The following PCSK5 variants were observed in gnomAD, a reference collection of about 807,000 sequenced individuals.
PCSK5 encodes proprotein convertase subtilisin/kexin type 5, also known as prohormone convertase 5.
A neutral mutation model predicts 233.2 loss-of-function variants in PCSK5; 129 were observed. That is an observed-to-expected ratio of 0.55 (90% CI 0.48 to 0.64). The LOEUF (loss-of-function observed/expected upper bound fraction) is 0.64, where lower values mean the gene tolerates loss of function less well. PCSK5 is among the 30% of genes least tolerant of loss of function. The pLI is 0.00. For synonymous variants in PCSK5, 825 were observed against 879.2 expected, an observed-to-expected ratio of 0.94 and a Z score of 1.09; for missense variants, 2,076 against 2,430.1, an observed-to-expected ratio of 0.85 and a Z score of 3.06.
chr9:76,274,092 C>T (rs1827616996), intron 24 of PCSK5, among the ~76,000 whole-genome samples: 1 of 151,934 alleles, frequency 6.6e-6, no homozygotes, highest in Non-Finnish European at 1.5e-5. Flanking sequence ...TTTTAACCTC[C>T]ACGTTTCTTA....
intron 2 of PCSK5, among the ~76,000 whole-genome samples, chr9:75,950,544 TAAAGA>T (rs1824807936): frequency 6.6e-6 from 1 of 152,142 alleles, no homozygotes; most frequent in Admixed American, 6.6e-5. Context: ...TCAACATTCT[TAAAGA>T]AAAGAATTTT....
intron 20 of PCSK5, among the ~76,000 whole-genome samples, chr9:76,223,029 G>T (rs60958160): frequency 0.013 from 1,987 of 152,180 alleles, 42 homozygotes; most frequent in African/African-American, 0.046. Flanking sequence ...ACATAAATAG[G>T]CCTCACAGGG....
chr9:76,336,260 T>C (rs1829675284), intron 34 of PCSK5, among the ~76,000 whole-genome samples: 1 of 152,152 alleles, frequency 6.6e-6, no homozygotes, highest in Non-Finnish European at 1.5e-5. Context: ...AGCCTCAACA[T>C]AACCTAGGCA....
chr9:75,913,063 C>G (rs1378009513), intron 1 of PCSK5, among the ~76,000 whole-genome samples: 1 of 152,194 alleles, frequency 6.6e-6, no homozygotes, highest in Non-Finnish European at 1.5e-5. Context: ...CAACTAGAAG[C>G]CTTTAAAGAC....
chr9:76,052,388 G>A (rs1000092344), intron 5 of PCSK5, among the ~76,000 whole-genome samples: 5 of 152,192 alleles, frequency 3.3e-5, no homozygotes, highest in Non-Finnish European at 5.9e-5. Context: ...TGGCCGGGAA[G>A]ACCTCACAAT....
chr9:76,032,197 A>C (rs2131508207), intron 5 of PCSK5, among the ~76,000 whole-genome samples: 1 of 152,314 alleles, frequency 6.6e-6, no homozygotes, highest in East Asian at 1.9e-4. Flanking sequence ...CTCACTGAAC[A>C]ATCAGACCAG....
chr9:76,169,977 C>T, intron 13 of PCSK5, 137 bp downstream of exon 13: 1 of 674,040 alleles, frequency 1.5e-6, no homozygotes, highest in South Asian at 1.9e-5. Context: ...GAATTACCTG[C>T]ATGTATTTCA....
chr9:76,071,649 A>T, intron 6 of PCSK5, 77 bp from the exon 7 acceptor site: 1 of 1,222,564 alleles, frequency 8.2e-7, no homozygotes, highest in Non-Finnish European at 1.1e-6. Flanking sequence ...CTTCCCCCCG[A>T]GAATCCTGCA....
At chr9:75,983,596 G>T (rs894539438) in intron 2 of PCSK5, among the ~76,000 whole-genome samples, 2 of 152,134 alleles carry the variant, frequency 1.3e-5, no homozygotes, top group African/African-American at 4.8e-5. Context: ...GATTTCAAAG[G>T]TCCTGTAGCT....
At chr9:76,179,721 T>A (rs754517254) in intron 15 of PCSK5, 23 bp downstream of exon 15, 3 of 1,505,010 alleles carry the variant, frequency 2.0e-6, no homozygotes, top group East Asian at 4.5e-5. Context: ...CCAAGTCACA[T>A]CCCCACAGCA....
chr9:76,094,388 T>G (rs919863149), intron 7 of PCSK5, among the ~76,000 whole-genome samples: 1 of 152,218 alleles, frequency 6.6e-6, no homozygotes, highest in African/African-American at 2.4e-5. Context: ...CACTTCCTAA[T>G]AGAAAATGAT....
intron 20 of PCSK5, among the ~76,000 whole-genome samples, chr9:76,212,321 T>C (rs530824709): frequency 1.3e-5 from 2 of 152,314 alleles, no homozygotes; most frequent in South Asian, 4.1e-4. Flanking sequence ...GTCTGCACTA[T>C]ATTTTGCTCC....
intron 2 of PCSK5, among the ~76,000 whole-genome samples, chr9:75,961,487 A>G (rs538781947): frequency 2.6e-5 from 4 of 152,362 alleles, no homozygotes; most frequent in South Asian, 4.1e-4. Context: ...TGTGGCTAGT[A>G]CGTCTGAGGA....
intron 20 of PCSK5, among the ~76,000 whole-genome samples, chr9:76,212,458 C>T (rs1295129866): frequency 6.6e-6 from 1 of 152,226 alleles, no homozygotes; most frequent in Non-Finnish European, 1.5e-5. Context: ...GCTGAAAATA[C>T]TGCCACTGAC....
At position 76,058,018 on chromosome 9, in the gene PCSK5, A is replaced by AT. The variant is rs1316867669; in HGVS notation, c.633-9934dup. ...TGCCCAGCTAATTTATTTTTTATTT[A>AT]TTTATTTTTTTGTAGAGACAGGGTC... On this transcript the variant is annotated intron_variant, in intron 5 of 37. Transcript: ENST00000674117. Among the ~76,000 whole-genome samples, 35 of 151,692 alleles carry AT rather than the reference A, an allele frequency of 2.3e-4. 2 individuals carry two copies. The highest frequency in any genetic ancestry group is 3.4e-3 in the Middle Eastern group (1 of 294).
intron 9 of PCSK5, among the ~76,000 whole-genome samples, chr9:76,109,726 T>A (rs1487579854): frequency 6.6e-6 from 1 of 152,178 alleles, no homozygotes; most frequent in African/African-American, 2.4e-5. Flanking sequence ...AAATGGATGA[T>A]GAACTATCTG....
At chr9:76,307,921 G>T (rs533763145) in intron 28 of PCSK5, among the ~76,000 whole-genome samples, 4 of 152,250 alleles carry the variant, frequency 2.6e-5, no homozygotes, top group African/African-American at 9.6e-5. Context: ...CATCCGGCCG[G>T]GCGCGGTGGC....
chr9:76,173,100 C>T (rs557591916), intron 13 of PCSK5, among the ~76,000 whole-genome samples: 1 of 152,324 alleles, frequency 6.6e-6, no homozygotes, highest in South Asian at 2.1e-4. Flanking sequence ...AAGTTACCAA[C>T]CTCTGTAGCT....
At chr9:76,331,711 T>A (rs1415111015) in intron 33 of PCSK5, among the ~76,000 whole-genome samples, 2 of 147,134 alleles carry the variant, frequency 1.4e-5, no homozygotes, top group African/African-American at 5.0e-5. Context: ...GAGTCAGTAA[T>A]AGAAGGTGAT....
Sources: gnomAD v4.1 joint callset for allele counts (sites outside exome capture counted in the v4.1 genomes callset) on GRCh38, gnomAD v4.1.1 for gene constraint, MANE v1.5 for transcripts, NCBI Gene and HGNC (gene_info 2026-07-23, HGNC 2026-07-21) for gene names.